The following PHC1 variants were observed in gnomAD, a reference collection of about 807,000 sequenced individuals.
The protein encoded by PHC1 is polyhomeotic-like protein 1.
In PHC1, 12 loss-of-function variants were observed where a neutral mutation model predicts 104.3. The ratio of observed to expected loss-of-function variants is 0.12; its 90% confidence interval spans 0.07 to 0.19. PHC1 has a LOEUF of 0.19. Ranked by LOEUF, PHC1 falls within the 10% of genes least tolerant of loss-of-function variation. The pLI is 1.00. For missense variants in PHC1, 671 were observed against 1,200.0 expected (o/e 0.56, Z 6.51); for synonymous variants, 302 against 455.8 (o/e 0.66, Z 4.30).
rs760954791 is a variant in PHC1 at position 8,926,995 on chromosome 12, C to G, written c.613-3440C>G. Among the ~76,000 whole-genome samples, 4 of 152,270 alleles carry G rather than the reference C, an allele frequency of 2.6e-5. No homozygotes were observed. The East Asian group carries it at 7.7e-4, about 29-fold the overall frequency. On this transcript the variant is annotated intron_variant, in intron 6 of 14. Coordinates refer to ENST00000544916, the MANE Select transcript of PHC1 (RefSeq NM_004426.3). ...TGGGGCCCTGAGGTAGGATGAACCC[C>G]CACTTTGGAAAAGCAGTTCAAGGTC...
chr12:8,925,162 C>G (rs1343954159), intron 6 of PHC1, among the ~76,000 whole-genome samples: 5 of 152,150 alleles, frequency 3.3e-5, no homozygotes, highest in Non-Finnish European at 7.3e-5. Context: ...TGCAAATGAT[C>G]TGACATCTTT....
At chr12:8,929,740 G>A (rs1193945897) in intron 6 of PHC1, among the ~76,000 whole-genome samples, 2 of 151,974 alleles carry the variant, frequency 1.3e-5, no homozygotes, top group Non-Finnish European at 2.9e-5. Context: ...GGCTGTTCTC[G>A]AACTCCTGAA....
intron 1 of PHC1, 32 bp from the exon 2 acceptor site, chr12:8,917,598 A>G: frequency 5.2e-6 from 3 of 573,474 alleles, no homozygotes; most frequent in South Asian, 3.0e-5. Context: ...GGATCAAGAT[A>G]TAAATTTTAA....
chr12:8,930,884 A>G lies in PHC1; in HGVS notation c.1062A>G (p.Thr354=), dbSNP rs1190562126. ...AGCAGAATGTGGGCATGAACCTGAC[A>G]CGGACAGCCACACCTGCGCCCAGCC... is the stretch of plus-strand genomic sequence containing the variant. ...SGQQNVGMNL[T]RTATPAPSQT... Residue 354 remains threonine (T), a synonymous_variant, in exon 7 of 15, where the codon ACA becomes ACG. Coordinates refer to ENST00000544916, the MANE Select transcript of PHC1 (RefSeq NM_004426.3). The G allele has an allele frequency of 6.3e-7, 1 of 1,585,812 alleles. No homozygotes were observed. Among genetic ancestry groups the G allele is most frequent in the Non-Finnish European group, 8.6e-7 (1 of 1,165,794 alleles).
chr12:8,931,911 C>T (rs1410016523), intron 7 of PHC1, among the ~76,000 whole-genome samples: 1 of 152,134 alleles, frequency 6.6e-6, no homozygotes, highest in African/African-American at 2.4e-5. Context: ...TCATCACATG[C>T]TTTGATCTCT....
In PHC1 at chr12:8,919,942, A is replaced by G. The variant is rs776230015; in HGVS notation, c.225+76A>G. 120 of 1,555,272 alleles carry G rather than the reference A, an allele frequency of 7.7e-5. No homozygotes were observed. The highest frequency in any genetic ancestry group is 7.6e-4 in the South Asian group (64 of 84,530). ...GGTGGGTAGGGGAGATTTTTTGGGC[A>G]TATAGCATCCTATACTAAGCCAGGC... On this transcript the variant is annotated intron_variant, in intron 3 of 14. Coordinates refer to ENST00000544916, the MANE Select transcript of PHC1 (RefSeq NM_004426.3). This position sits in a 1 kb window ranked among gnomAD's most constrained non-coding sequence, Gnocchi z 4.9.
At chr12:8,935,477 TTAGCCTG>T (rs1291614609) in intron 11 of PHC1, among the ~76,000 whole-genome samples, 2 of 151,970 alleles carry the variant, frequency 1.3e-5, no homozygotes, top group African/African-American at 4.8e-5. Flanking sequence ...AATACAAAAA[TTAGCCTG>T]GTGTGGCAGC....
At chr12:8,926,066 G>A (rs1945503266) in intron 6 of PHC1, among the ~76,000 whole-genome samples, 1 of 152,188 alleles carries the variant, frequency 6.6e-6, no homozygotes, top group East Asian at 1.9e-4. Flanking sequence ...AATCTGTGGG[G>A]TGGCTGGTGG....
At chr12:8,937,717 C>A in intron 13 of PHC1, 112 bp from the exon 14 acceptor site, 1 of 737,736 alleles carries the variant, frequency 1.4e-6, no homozygotes, top group Non-Finnish European at 2.3e-6. Flanking sequence ...GCTTATTTCA[C>A]ATATGATAAG....
chr12:8,922,148 G>A (rs887049948), intron 5 of PHC1, among the ~76,000 whole-genome samples: 2 of 152,184 alleles, frequency 1.3e-5, no homozygotes, highest in African/African-American at 2.4e-5. Context: ...TAACCCTGAT[G>A]TTTTGAGAGA....
intron 14 of PHC1, among the ~76,000 whole-genome samples, chr12:8,938,332 T>C (rs1230283053): frequency 6.6e-6 from 1 of 152,222 alleles, no homozygotes; most frequent in Non-Finnish European, 1.5e-5. Flanking sequence ...TTTGTGTAAT[T>C]AACTATGATA....
At chr12:8,930,403 C>T in intron 6 of PHC1, 32 bp from the exon 7 acceptor site, 1 of 1,592,310 alleles carries the variant, frequency 6.3e-7, no homozygotes, top group Non-Finnish European at 8.6e-7. Context: ...TCCAGTCCTC[C>T]TTTTCTCAAT....
At position 8,937,209 on chromosome 12, in the gene PHC1, G is replaced by A. The variant is rs774597537; in HGVS notation, c.2511G>A (p.Leu837=). 6 of 1,613,118 alleles carry A rather than the reference G, an allele frequency of 3.7e-6. No individual in the cohort carries two copies. Among genetic ancestry groups the A allele is most frequent in the Middle Eastern group, 1.7e-4 (1 of 6,056 alleles). Residue 837 remains leucine, a synonymous_variant, in exon 13 of 15, where the codon CTG becomes CTA. Transcript: ENST00000544916. ...TGAGCTGTAGCCATCAGTTCCGGCT[G>A]AAGAGGAAAAAAATGAAAGAGTTTC... ...YNVSCSHQFR[L]KRKKMKEFQE... is the part of the protein sequence containing the mutation.
At chr12:8,933,607 G>GA (rs1945752471) in intron 8 of PHC1, 2 of 611,510 alleles carry the variant, frequency 3.3e-6, no homozygotes, top group South Asian at 2.6e-5. Context: ...ATCAGTCTTT[G>GA]AAAAAACAAC....
intron 10 of PHC1, 31 bp from the exon 11 acceptor site, chr12:8,935,093 C>A: frequency 8.6e-7 from 1 of 1,167,406 alleles, no homozygotes; most frequent in Non-Finnish European, 1.3e-6. Context: ...GGGGATCAGG[C>A]TAACTTAACT....
In PHC1 at chr12:8,918,231, T is replaced by G. The variant is rs185485319; in HGVS notation, c.114+440T>G. ...TTTTGGTTACTAGAATAACTATACATATCATAAAAATAGTTCTAATTATTA... is the reference window on the plus strand; with the variant it reads ...TTTTGGTTACTAGAATAACTATACAGATCATAAAAATAGTTCTAATTATTA... On this transcript the variant is annotated intron_variant, in intron 2 of 14. Coordinates refer to ENST00000544916, the MANE Select transcript of PHC1 (RefSeq NM_004426.3). Among the ~76,000 whole-genome samples the G allele has an allele frequency of 9.3e-4, 142 of 152,342 alleles. 1 individual carries two copies. The highest frequency in any genetic ancestry group is 3.2e-3 in the African/African-American group (132 of 41,582).
chr12:8,922,061 G>T (rs1290744123), intron 5 of PHC1, among the ~76,000 whole-genome samples: 1 of 152,128 alleles, frequency 6.6e-6, no homozygotes, highest in Non-Finnish European at 1.5e-5. Flanking sequence ...TGATCCACCC[G>T]CCTCGGCCTC....
In PHC1 at chr12:8,922,908, GT is replaced by G. The variant is rs921211471; in HGVS notation, c.612+125del. The G allele has an allele frequency of 7.0e-6, 6 of 858,142 alleles. No homozygotes were observed. The Admixed American group carries it at 1.6e-4, about 22-fold the overall frequency. The allele number at this position is 858,142 out of a possible 1,614,324, so 53.2% of individuals were successfully genotyped here. ...TCAGAATTCTTACTTTTTGTGTTTT[GT>G]TTTTCCTTCCCTTAATCACCATAGA... On this transcript the variant is annotated intron_variant, in intron 6 of 14. Transcript: ENST00000544916.
At chr12:8,921,784 G>A in intron 5 of PHC1, 34 bp downstream of exon 5, 1 of 1,537,892 alleles carries the variant, frequency 6.5e-7, no homozygotes, top group Non-Finnish European at 8.7e-7. Flanking sequence ...TTGCCCCAGA[G>A]GCATAATTGT....
Sources: gnomAD v4.1 joint callset for allele counts (sites outside exome capture counted in the v4.1 genomes callset) on GRCh38, gnomAD v4.1.1 for gene constraint, Gnocchi (gnomAD v3.1) non-coding constraint, MANE v1.5 for transcripts, NCBI Gene and HGNC (gene_info 2026-07-23, HGNC 2026-07-21) for gene names.